LTBP1: variants seen among roughly 807,000 people sequenced by gnomAD.
LTBP1 encodes latent-transforming growth factor beta-binding protein 1.
In LTBP1, 129 loss-of-function variants were observed where a neutral mutation model predicts 207.6. The ratio of observed to expected loss-of-function variants is 0.62; its 90% CI spans 0.54 to 0.72. LTBP1 has a LOEUF of 0.72. Ranked by LOEUF, LTBP1 falls within the 30% of genes least tolerant of loss-of-function variation. The pLI, the probability that LTBP1 is intolerant of heterozygous loss-of-function variation, is 0.00. For missense variants in LTBP1, 2,281 were observed against 2,217.2 expected (o/e 1.03, Z -0.58); for synonymous variants, 963 against 833.7 (o/e 1.16, Z -2.67).
intron 24 of LTBP1, among the ~76,000 whole-genome samples, chr2:33,341,782 C>T (rs1308535809): frequency 1.4e-5 from 2 of 145,736 alleles, no homozygotes; most frequent in Admixed American, 1.4e-4. Context: ...AGAGAAAATG[C>T]TCAATTTTAT....
chr2:33,200,419 C>T (rs1435293409), intron 7 of LTBP1, among the ~76,000 whole-genome samples: 1 of 152,202 alleles, frequency 6.6e-6, no homozygotes, highest in East Asian at 1.9e-4. Flanking sequence ...AACTGGCTAG[C>T]CATATGTAGA....
chr2:33,013,179 T>A (rs1392307623), intron 2 of LTBP1, among the ~76,000 whole-genome samples: 2 of 152,184 alleles, frequency 1.3e-5, no homozygotes, highest in African/African-American at 4.8e-5. Flanking sequence ...AAACATATTG[T>A]TAAACTGCTT....
At position 32,947,555 on chromosome 2, in the gene LTBP1, CG is replaced by C. The variant is rs1676369990; in HGVS notation, c.235del (p.Val79SerfsTer143). 3 of 1,366,508 alleles carry C rather than the reference CG, an allele frequency of 2.2e-6. No homozygotes were observed. The highest frequency in any genetic ancestry group is 2.8e-6 in the Non-Finnish European group (3 of 1,062,316). The allele number at this position is 1,366,508 out of a possible 1,614,324, so 84.6% of individuals were successfully genotyped here. On this transcript the variant is annotated frameshift_variant, in exon 1 of 34. Coordinates refer to ENST00000404816, the MANE Select transcript of LTBP1 (RefSeq NM_206943.4). LOFTEE classifies it high-confidence loss of function. ...CCGGCGCCCCCAGCCGTGCCTCCCC[CG>C]GGGTCCCCTCGGAGAGGACCCGGCG... The part of the protein sequence containing the change: ...AAGAPSRASP[G>X]VPSERTRRTS...
intron 3 of LTBP1, among the ~76,000 whole-genome samples, chr2:33,051,512 G>A (rs1346091469): frequency 6.6e-6 from 1 of 152,176 alleles, no homozygotes; most frequent in Non-Finnish European, 1.5e-5. Context: ...CAGTTAGGCA[G>A]CCCCCTTCAT....
At chr2:33,348,937 T>C (rs530751625) in intron 26 of LTBP1, among the ~76,000 whole-genome samples, 1 of 152,330 alleles carries the variant, frequency 6.6e-6, no homozygotes, top group South Asian at 2.1e-4. Flanking sequence ...TGGTGAACTT[T>C]GATTATATGG....
Position 33,134,628 on chromosome 2 carries a change from T to G in LTBP1, c.1034-165T>G. On this transcript the variant is annotated intron_variant, in intron 4 of 33. Transcript: ENST00000404816. This position sits in a 1 kb window ranked among gnomAD's most constrained non-coding sequence, Gnocchi z 4.4. ...CCACTGAATACAGAGCAGCGAGCAC[T>G]GAAGGCTTCCCTCTTTCCTTAAACC... 1 of 1,535,488 alleles carries G rather than the reference T, an allele frequency of 6.5e-7. No homozygotes were observed. The highest frequency in any genetic ancestry group is 1.3e-5 in the South Asian group (1 of 79,578).
At chr2:33,081,048 G>C (rs1198686367) in intron 3 of LTBP1, among the ~76,000 whole-genome samples, 1 of 152,184 alleles carries the variant, frequency 6.6e-6, no homozygotes, top group South Asian at 2.1e-4. Flanking sequence ...GCTTAGATTA[G>C]ATGAAGAGTG....
Position 33,342,844 on chromosome 2 carries a change from A to T in LTBP1, c.3737A>T (p.Asp1246Val). 3.7e-6 allele frequency: 6 copies of T among 1,613,362 alleles called. No homozygotes were observed. Among genetic ancestry groups the T allele is most frequent in the Non-Finnish European group, 5.1e-6 (6 of 1,179,580 alleles). Residue 1246 changes from aspartate to valine, a missense_variant, in exon 25 of 34, where the codon GAT becomes GTT. Coordinates refer to ENST00000404816, the MANE Select transcript of LTBP1 (RefSeq NM_206943.4). ...TTCCATGTCTTTTTTGCAGATATTGATGAATGTGTAAACAACACTGTTTGT... is the reference window on the plus strand; with the variant it reads ...TTCCATGTCTTTTTTGCAGATATTGTTGAATGTGTAAACAACACTGTTTGT... ...SADGRTCEDI[D>V]ECVNNTVCDS... is the part of the protein sequence containing the mutation.
intron 1 of LTBP1, among the ~76,000 whole-genome samples, chr2:32,948,418 A>G (rs752561730): frequency 1.3e-5 from 2 of 152,032 alleles, no homozygotes; most frequent in African/African-American, 2.4e-5. Flanking sequence ...GTGGGAATTC[A>G]TCTCAGGTTG....
rs56171359 is a variant in LTBP1 at position 33,341,729 on chromosome 2, A to AATAT, written c.3731-1096_3731-1093dup. On this transcript the variant is annotated intron_variant, in intron 24 of 33. Transcript: ENST00000404816. ...CCGTCTCACTCAAAAAAAAAAAAAAAATATATATATATATATGTATATTTA... is the reference window on the plus strand; with the variant it reads ...CCGTCTCACTCAAAAAAAAAAAAAAAATATATATATATATATATATGTATATTTA... 3.3e-3 allele frequency among the ~76,000 whole-genome samples: 309 copies of AATAT among 93,562 alleles called. 6 individuals carry two copies. The highest frequency in any genetic ancestry group is 8.7e-3 in the African/African-American group (170 of 19,614). The allele number at this position is 93,562 out of a possible 152,430, so 61.4% of individuals were successfully genotyped here. A position where few individuals can be genotyped will look rare whatever the true frequency, so the allele number is the denominator to read the frequency against.
chr2:33,286,220 C>G (rs898341127), intron 19 of LTBP1, among the ~76,000 whole-genome samples: 1 of 152,116 alleles, frequency 6.6e-6, no homozygotes, highest in Non-Finnish European at 1.5e-5. Flanking sequence ...CTTTCTGACT[C>G]CCATTTAAAC....
intron 4 of LTBP1, among the ~76,000 whole-genome samples, chr2:33,115,037 TACACACACACAC>T (rs60544598): frequency 1.1e-4 from 16 of 145,266 alleles, no homozygotes; most frequent in East Asian, 2.0e-4. Flanking sequence ...AACAGATATA[TACACACACACAC>T]ACACACACAC....
chr2:33,203,805 A>G (rs1484349080), intron 7 of LTBP1, among the ~76,000 whole-genome samples: 3 of 152,346 alleles, frequency 2.0e-5, no homozygotes, highest in South Asian at 2.1e-4. Flanking sequence ...GAGTGGAAGC[A>G]TGTTGAGCTA....
At chr2:33,164,923 A>C (rs2084792481) in intron 5 of LTBP1, among the ~76,000 whole-genome samples, 1 of 152,244 alleles carries the variant, frequency 6.6e-6, no homozygotes, top group South Asian at 2.1e-4. Context: ...TTCAGGGAGC[A>C]GTCAAAAGGA....
chr2:33,168,290 G>A (rs1447962857), intron 5 of LTBP1, among the ~76,000 whole-genome samples: 3 of 151,652 alleles, frequency 2.0e-5, no homozygotes, highest in African/African-American at 7.3e-5. Context: ...GGCTGAGGCA[G>A]GAGGATCACT....
chr2:33,182,777 G>T, intron 5 of LTBP1, among the ~76,000 whole-genome samples: 1 of 145,634 alleles, frequency 6.9e-6, no homozygotes, highest in African/African-American at 2.5e-5. Context: ...CACACACATT[G>T]TATTCTAGTA....
intron 3 of LTBP1, among the ~76,000 whole-genome samples, chr2:33,055,121 T>C (rs530746523): frequency 2.6e-4 from 40 of 152,304 alleles, no homozygotes; most frequent in African/African-American, 8.7e-4. Context: ...TTTGGGCCTG[T>C]TCCTCTTGGT....
At chr2:33,216,431 A>G (rs997229162) in intron 7 of LTBP1, among the ~76,000 whole-genome samples, 1 of 152,160 alleles carries the variant, frequency 6.6e-6, no homozygotes, top group African/African-American at 2.4e-5. Flanking sequence ...TCTGCAGGAT[A>G]GAGGTGGATG....
intron 10 of LTBP1, among the ~76,000 whole-genome samples, chr2:33,246,479 G>GCGCACA (rs529224794): frequency 1.4e-5 from 2 of 147,128 alleles, no homozygotes; most frequent in Admixed American, 6.7e-5. Flanking sequence ...ACACGCACAC[G>GCGCACA]CACACACACA....
Sources: allele counts gnomAD v4.1 joint callset (sites outside exome capture counted in the v4.1 genomes callset), GRCh38; gene constraint gnomAD v4.1.1; non-coding constraint Gnocchi (gnomAD v3.1); transcripts MANE v1.5; gene names NCBI Gene and HGNC (gene_info 2026-07-23, HGNC 2026-07-21).